TLK1: variants seen among roughly 807,000 people sequenced by gnomAD.
TLK1 encodes the protein tousled like kinase 1.
TLK1 carries 24 observed loss-of-function variants against 105.3 expected under a neutral mutation model. That is an observed-to-expected ratio of 0.23 (90% confidence interval 0.17 to 0.32). TLK1 has a LOEUF of 0.32. Ranked by LOEUF, TLK1 falls within the 10% of genes least tolerant of loss-of-function variation. TLK1 has a pLI of 1.00. For synonymous variants in TLK1, 321 were observed against 310.4 expected (o/e 1.03, Z -0.36); for missense variants, 558 against 910.5 (o/e 0.61, Z 4.98).
At chr2:171,152,903 A>C (rs1435563697) in intron 1 of TLK1, among the ~76,000 whole-genome samples, 1 of 152,056 alleles carries the variant, frequency 6.6e-6, no homozygotes, top group East Asian at 1.9e-4. Flanking sequence ...TGAATGGACA[A>C]AACTTATCTT....
At chr2:171,021,808 A>C (rs577801332) in intron 12 of TLK1, among the ~76,000 whole-genome samples, 1 of 152,216 alleles carries the variant, frequency 6.6e-6, no homozygotes, top group South Asian at 2.1e-4. Context: ...GATTAATATT[A>C]AACACTGTGG....
At chr2:171,133,889 G>A (rs547981140) in intron 1 of TLK1, among the ~76,000 whole-genome samples, 132 of 152,012 alleles carry the variant, frequency 8.7e-4, no homozygotes, top group African/African-American at 3.0e-3. Flanking sequence ...AGGCTGGAGT[G>A]CAGTGGCATG....
At chr2:171,136,161 A>G (rs529158901) in intron 1 of TLK1, among the ~76,000 whole-genome samples, 1 of 152,346 alleles carries the variant, frequency 6.6e-6, no homozygotes, top group Admixed American at 6.5e-5. Flanking sequence ...ACACTGAAAC[A>G]TGACACAATA....
At chr2:171,000,531 TAAG>T (rs1274356227) in intron 18 of TLK1, among the ~76,000 whole-genome samples, 4 of 152,040 alleles carry the variant, frequency 2.6e-5, no homozygotes, top group African/African-American at 9.7e-5. Context: ...AAACTGCTAT[TAAG>T]AAAAATCGTA....
intron 2 of TLK1, chr2:171,091,832 C>T (rs2105490878): frequency 6.6e-6 from 1 of 152,330 alleles, no homozygotes; most frequent in Middle Eastern, 3.4e-3. Context: ...GCAAGCTCCG[C>T]CTCCTGGGTC....
intron 2 of TLK1, among the ~76,000 whole-genome samples, chr2:171,098,768 C>A (rs1689567636): frequency 6.6e-6 from 1 of 152,136 alleles, no homozygotes; most frequent in Non-Finnish European, 1.5e-5. Context: ...AAGGATTATA[C>A]ACTTTGAGCA....
intron 12 of TLK1, among the ~76,000 whole-genome samples, chr2:171,027,355 G>T (rs556461987): frequency 6.6e-6 from 1 of 152,172 alleles, no homozygotes; most frequent in African/African-American, 2.4e-5. Flanking sequence ...ACTTAATTTT[G>T]AGGGAAAAAA....
chr2:171,016,145 G>T (rs1351261097), intron 12 of TLK1, among the ~76,000 whole-genome samples: 1 of 152,244 alleles, frequency 6.6e-6, no homozygotes, highest in East Asian at 1.9e-4. Flanking sequence ...AGGTTTCAGT[G>T]AAAGTTTCTA....
At chr2:171,115,170 C>T (rs865936440) in intron 2 of TLK1, among the ~76,000 whole-genome samples, 22 of 135,746 alleles carry the variant, frequency 1.6e-4, no homozygotes, top group African/African-American at 3.0e-4. Context: ...TTAAGAATTT[C>T]TTTCTTTTTT....
At chr2:171,058,478 C>T (rs553813419) in intron 4 of TLK1, among the ~76,000 whole-genome samples, 1 of 152,110 alleles carries the variant, frequency 6.6e-6, no homozygotes, top group Non-Finnish European at 1.5e-5. Context: ...GCATCACTGA[C>T]AAACTAACCT....
At chr2:171,124,894 C>A (rs2105544474) in intron 1 of TLK1, among the ~76,000 whole-genome samples, 1 of 152,304 alleles carries the variant, frequency 6.6e-6, no homozygotes, top group African/African-American at 2.4e-5. Context: ...TAAAGAACAA[C>A]TGAATTGTAT....
intron 12 of TLK1, among the ~76,000 whole-genome samples, chr2:171,023,550 A>C (rs1323091651): frequency 6.6e-6 from 1 of 152,146 alleles, no homozygotes; most frequent in African/African-American, 2.4e-5. Context: ...AAAATCAAGA[A>C]GACAAAAAAA....
intron 1 of TLK1, among the ~76,000 whole-genome samples, chr2:171,178,283 G>A (rs898745810): frequency 9.2e-5 from 14 of 152,184 alleles, no homozygotes; most frequent in Non-Finnish European, 1.8e-4. Context: ...ATCAAGGGAA[G>A]AAACCAGGAT....
intron 2 of TLK1, among the ~76,000 whole-genome samples, chr2:171,106,260 TG>T (rs1435974898): frequency 2.6e-5 from 4 of 152,204 alleles, no homozygotes; most frequent in Non-Finnish European, 4.4e-5. Context: ...GAGTAAGTCC[TG>T]GTGTTCTATA....
chr2:171,009,408 G>A (rs746059756), intron 14 of TLK1, among the ~76,000 whole-genome samples: 10 of 143,688 alleles, frequency 7.0e-5, no homozygotes, highest in South Asian at 2.2e-4. Flanking sequence ...AGGTTCAAGC[G>A]ATTATCATGC....
At chr2:171,159,331 ATTCC>A (rs1381578460) in intron 1 of TLK1, among the ~76,000 whole-genome samples, 1 of 152,202 alleles carries the variant, frequency 6.6e-6, no homozygotes, top group Non-Finnish European at 1.5e-5. Context: ...ACATTTATTC[ATTCC>A]CCATAAATGT....
chr2:171,150,525 C>T (rs1341390125), intron 1 of TLK1, among the ~76,000 whole-genome samples: 7 of 151,982 alleles, frequency 4.6e-5, no homozygotes. Context: ...ACAGTGGCTA[C>T]CCTTGCTGTA....
intron 1 of TLK1, among the ~76,000 whole-genome samples, chr2:171,126,897 T>G (rs16859167): frequency 7.3e-5 from 11 of 151,704 alleles, no homozygotes; most frequent in African/African-American, 2.7e-4. Flanking sequence ...AACGAAATTA[T>G]TTCTCCAAGA....
intron 1 of TLK1, among the ~76,000 whole-genome samples, chr2:171,185,582 C>T (rs1357667364): frequency 6.6e-6 from 1 of 152,136 alleles, no homozygotes; most frequent in African/African-American, 2.4e-5. Flanking sequence ...AGAATATCTT[C>T]CATTCCTCCT....
Sources: gnomAD v4.1 joint callset for allele counts (sites outside exome capture counted in the v4.1 genomes callset) on GRCh38, gnomAD v4.1.1 for gene constraint, MANE v1.5 for transcripts, NCBI Gene and HGNC (gene_info 2026-07-23, HGNC 2026-07-21) for gene names.